The following AGO4 variants were observed in gnomAD, a reference collection of about 807,000 sequenced individuals.
The protein encoded by AGO4 is argonaute RISC component 4, also known as protein argonaute-4.
Under a neutral mutation model 104.7 loss-of-function variants are expected in AGO4, and 33 were observed. That is an observed-to-expected ratio of 0.32 (90% confidence interval 0.24 to 0.42). AGO4 has a LOEUF of 0.42. AGO4 is among the 10% of genes least tolerant of loss of function. AGO4 has a pLI of 1.00. For missense variants in AGO4, 711 were observed against 1,083.4 expected, an observed-to-expected ratio of 0.66 and a Z score of 4.83; for synonymous variants, 331 against 364.7, an observed-to-expected ratio of 0.91 and a Z score of 1.05.
At chr1:35,836,977 G>A (rs1003958255) in intron 13 of AGO4, among the ~76,000 whole-genome samples, 6 of 152,026 alleles carry the variant, frequency 3.9e-5, no homozygotes, top group African/African-American at 1.2e-4. Flanking sequence ...TTTTGCTTGG[G>A]GATAATAGTA....
At chr1:35,818,395 G>A (rs1187939249) in intron 2 of AGO4, among the ~76,000 whole-genome samples, 1 of 151,772 alleles carries the variant, frequency 6.6e-6, no homozygotes, top group Non-Finnish European at 1.5e-5. Context: ...AGGCTGAGGC[G>A]GGCAGATCAC....
intron 1 of AGO4, among the ~76,000 whole-genome samples, chr1:35,813,408 CAAA>C (rs1416471543): frequency 8.6e-6 from 1 of 116,192 alleles, no homozygotes. Context: ...GACTCCATCT[CAAA>C]AAAAAAAAAA....
At chr1:35,818,870 C>A (rs932037407) in intron 2 of AGO4, among the ~76,000 whole-genome samples, 2 of 152,052 alleles carry the variant, frequency 1.3e-5, no homozygotes, top group Non-Finnish European at 2.9e-5. Context: ...ATACTAAACC[C>A]ACAACGTGAC....
rs373750542 is a variant in AGO4, at chr1:35,841,666, A to G, written c.2091A>G (p.Glu697=). The part of the protein sequence containing the change: ...IAIRKACISL[E]EDYRPGITYI... ...TTCGAAAGGCATGTATTAGCTTGGA[A>G]GAAGATTACCGGCCAGGAATAACTT... The change falls in exon 15 of 18, where the codon GAA becomes GAG. Residue 697 remains glutamate (E), a synonymous_variant. Transcript: ENST00000373210. This position sits in a 1 kb window ranked among gnomAD's most constrained non-coding sequence, Gnocchi z 4.7. 94 of 1,613,966 alleles carry G rather than the reference A, an allele frequency of 5.8e-5. No individual in the cohort carries two copies. The highest frequency in any genetic ancestry group is 7.4e-5 in the Non-Finnish European group (87 of 1,180,004).
chr1:35,824,800 CA>C (rs938784569), intron 3 of AGO4, among the ~76,000 whole-genome samples: 21 of 151,754 alleles, frequency 1.4e-4, no homozygotes, highest in Admixed American at 1.4e-3. Context: ...GACCCTGTCT[CA>C]AAAAAAACTT....
At position 35,816,908 on chromosome 1, in the gene AGO4, C is replaced by T. The variant is rs772782939; in HGVS notation, c.46C>T (p.Pro16Ser). Residue 16 changes from proline (P) to serine (S), a missense_variant, in exon 2 of 18, where the codon CCT becomes TCT. By Grantham distance (74) the Pro-to-Ser change is moderately conservative. Transcript: ENST00000373210. Reference protein sequence around the residue: ...PGPPASLFQPPRRPGLGTVGK... With the variant: ...PGPPASLFQPSRRPGLGTVGK... ...ACCTCCGGCTAGCCTGTTTCAGCCA[C>T]CTCGTCGTCCTGGCCTTGGAACTGT... 40 of 1,613,078 alleles carry T rather than the reference C, an allele frequency of 2.5e-5. No individual in the cohort carries two copies. The highest frequency in any genetic ancestry group is 1.6e-4 in the African/African-American group (12 of 74,744).
At chr1:35,853,446 T>C (rs1318613356) in intron 17 of AGO4, 51 bp from the exon 18 acceptor site, 1 of 1,539,920 alleles carries the variant, frequency 6.5e-7, no homozygotes, top group Admixed American at 2.1e-5. Context: ...TGTTTTTGGT[T>C]TTTTGTTTGT....
At chr1:35,853,431 G>T in intron 17 of AGO4, 66 bp from the exon 18 acceptor site, 2 of 1,456,388 alleles carry the variant, frequency 1.4e-6, no homozygotes, top group Admixed American at 2.2e-5. Flanking sequence ...TTTTTTTGTT[G>T]TTGTTGTTTT....
At chr1:35,823,570 C>T (rs901368179) in intron 3 of AGO4, among the ~76,000 whole-genome samples, 2 of 152,104 alleles carry the variant, frequency 1.3e-5, no homozygotes, top group Non-Finnish European at 1.5e-5. Flanking sequence ...GGACTATAGG[C>T]GTGTGCCACC....
chr1:35,835,389 TTC>T (rs1355820498), intron 12 of AGO4, among the ~76,000 whole-genome samples: 1 of 152,172 alleles, frequency 6.6e-6, no homozygotes, highest in Admixed American at 6.6e-5. Context: ...GTCTTTAACC[TTC>T]TCTCTACAGT....
At chr1:35,811,174 A>T (rs893196342) in intron 1 of AGO4, among the ~76,000 whole-genome samples, 28 of 150,978 alleles carry the variant, frequency 1.9e-4, no homozygotes, top group African/African-American at 6.6e-4. Flanking sequence ...CCAAACCACA[A>T]CAAAAAAACA....
intron 15 of AGO4, among the ~76,000 whole-genome samples, chr1:35,842,166 C>G (rs143747249): frequency 0.011 from 1,663 of 152,206 alleles, 17 homozygotes; most frequent in Non-Finnish European, 0.017. Context: ...GTCCCCAACC[C>G]CCAGACTGTG....
intron 2 of AGO4, among the ~76,000 whole-genome samples, chr1:35,817,411 GTATA>G (rs35774770): frequency 6.7e-6 from 1 of 149,164 alleles, no homozygotes; most frequent in South Asian, 2.1e-4. Context: ...TGAGAAAGAT[GTATA>G]TATATATATA....
At chr1:35,847,220 A>G (rs952683775) in intron 15 of AGO4, among the ~76,000 whole-genome samples, 7 of 151,246 alleles carry the variant, frequency 4.6e-5, no homozygotes, top group African/African-American at 7.3e-5. Context: ...AAGAAAGTCT[A>G]CAAATTTGTT....
chr1:35,857,832 A>G lies in AGO4; in HGVS notation c.*4227A>G, dbSNP rs1383478777. ...GGTCTCCCTATTTTTAAAAATTGCT[A>G]TTTGGTATACAATTATTATGTGTCA... On this transcript the variant is annotated 3_prime_UTR_variant, in exon 18 of 18. Coordinates refer to ENST00000373210, the MANE Select transcript of AGO4 (RefSeq NM_017629.4). 6.6e-6 allele frequency: 1 copy of G among 152,220 alleles called. No homozygotes were observed. Among genetic ancestry groups the G allele is most frequent in the Non-Finnish European group, 1.5e-5 (1 of 68,028 alleles). The allele number at this position is 152,220 out of a possible 1,614,324, so 9.4% of individuals were successfully genotyped here. A position where few individuals can be genotyped will look rare whatever the true frequency, so the allele number is the denominator to read the frequency against.
At chr1:35,838,443 T>C (rs1308858599) in intron 13 of AGO4, among the ~76,000 whole-genome samples, 1 of 152,198 alleles carries the variant, frequency 6.6e-6, no homozygotes, top group Non-Finnish European at 1.5e-5. Context: ...CACCTTGGCC[T>C]CTGAAAGTGT....
intron 1 of AGO4, among the ~76,000 whole-genome samples, chr1:35,816,161 G>A (rs984502939): frequency 2.0e-5 from 3 of 152,220 alleles, no homozygotes; most frequent in Admixed American, 6.5e-5. Context: ...TTATAATGAT[G>A]CAGGCTAATT....
In AGO4 at chr1:35,850,228, C is replaced by T; in HGVS notation, c.2247C>T (p.Asp749=). ...DSTITHPSEF[D]FYLCSHAGIQ... ...CCATCACACATCCATCTGAGTTTGA[C>T]TTTTACCTCTGTAGTCATGCAGGAA... is the stretch of plus-strand genomic sequence containing the variant. The change falls in exon 16 of 18, where the codon GAC becomes GAT. Residue 749 remains aspartate, a synonymous_variant. Coordinates refer to ENST00000373210, the MANE Select transcript of AGO4 (RefSeq NM_017629.4). The T allele has an allele frequency of 6.2e-7, 1 of 1,613,870 alleles. No homozygotes were observed. The highest frequency in any genetic ancestry group is 1.6e-4 in the Middle Eastern group (1 of 6,062).
chr1:35,830,143 C>CAAAAAAAAA (rs68143333), intron 7 of AGO4, among the ~76,000 whole-genome samples: 1 of 100,274 alleles, frequency 1.0e-5, no homozygotes, highest in Non-Finnish European at 2.1e-5. Context: ...GACTCTGTCT[C>CAAAAAAAAA]AAAAAAAAAA....
Sources: gnomAD v4.1 joint callset for allele counts (sites outside exome capture counted in the v4.1 genomes callset) on GRCh38, gnomAD v4.1.1 for gene constraint, Gnocchi (gnomAD v3.1) non-coding constraint, MANE v1.5 for transcripts, NCBI Gene and HGNC (gene_info 2026-07-23, HGNC 2026-07-21) for gene names.